PECAM1: variants seen among roughly 807,000 people sequenced by gnomAD.
PECAM1 encodes the protein platelet and endothelial cell adhesion molecule 1, also known as platelet endothelial cell adhesion molecule.
PECAM1 carries 8 observed loss-of-function variants against 13.8 expected under a neutral mutation model. The ratio of observed to expected loss-of-function variants is 0.58; its 90% CI spans 0.34 to 1.05. The LOEUF (loss-of-function observed/expected upper bound fraction) is 1.05. PECAM1 is among the 50% of genes least tolerant of loss of function. PECAM1 has a pLI of 0.03. For missense variants in PECAM1, 304 were observed against 141.2 expected, an observed-to-expected ratio of 2.15 and a Z score of -5.84; for synonymous variants, 136 against 52.6, an observed-to-expected ratio of 2.58 and a Z score of -6.86.
rs1598264839 is a variant in PECAM1 at position 64,321,604 on chromosome 17, A to T, written c.*2212T>A. ...GAAACCTCATCTCTGCAAAAAAAAAATTAAAAATTAGCCAGCTATGGCGGC... is the reference window on the plus strand; with the variant it reads ...GAAACCTCATCTCTGCAAAAAAAAATTTAAAAATTAGCCAGCTATGGCGGC... On this transcript the variant is annotated 3_prime_UTR_variant, in exon 16 of 16. Coordinates refer to ENST00000563924, the MANE Select transcript of PECAM1 (RefSeq NM_000442.5). The T allele has an allele frequency of 6.9e-6, 3 of 436,362 alleles. No individual in the cohort carries two copies. The highest frequency in any genetic ancestry group is 5.0e-5 in the Admixed American group (1 of 19,836). 27.0% of individuals were successfully genotyped at this position (436,362 alleles called of 1,614,324 possible).
At chr17:64,381,722 C>T (rs1272200132) in intron 2 of PECAM1, among the ~76,000 whole-genome samples, 1 of 152,204 alleles carries the variant, frequency 6.6e-6, no homozygotes, top group Non-Finnish European at 1.5e-5. Context: ...CAGCATTACT[C>T]TTTGGAACTC....
At chr17:64,359,143 A>G (rs1444040997) in intron 7 of PECAM1, among the ~76,000 whole-genome samples, 1 of 152,194 alleles carries the variant, frequency 6.6e-6, no homozygotes, top group Non-Finnish European at 1.5e-5. Context: ...TAGACTATAC[A>G]TGAATAGAAG....
At chr17:64,347,738 A>G (rs2035613682) in intron 13 of PECAM1, among the ~76,000 whole-genome samples, 1 of 144,296 alleles carries the variant, frequency 6.9e-6, no homozygotes, top group Non-Finnish European at 1.5e-5. Context: ...ATATATATAT[A>G]TATATTTTTT....
chr17:64,353,304 GGTACACACAC>G (rs1397354466), intron 10 of PECAM1, among the ~76,000 whole-genome samples, 177 bp downstream of exon 10: 1,590 of 143,808 alleles, frequency 0.011, 21 homozygotes, highest in African/African-American at 0.037. Flanking sequence ...CTTCCACGGA[GGTACACACAC>G]ACACACACAC....
At chr17:64,342,504 G>C (rs2035459508) in intron 13 of PECAM1, among the ~76,000 whole-genome samples, 1 of 152,170 alleles carries the variant, frequency 6.6e-6, no homozygotes, top group African/African-American at 2.4e-5. Context: ...GGAATAGCTG[G>C]GACTGAGAAC....
At chr17:64,339,499 A>G (rs2035371249) in intron 14 of PECAM1, among the ~76,000 whole-genome samples, 1 of 152,142 alleles carries the variant, frequency 6.6e-6, no homozygotes, top group Non-Finnish European at 1.5e-5. Flanking sequence ...AAGAAAGCGA[A>G]CACTCTCAGG....
chr17:64,360,720 CAT>C (rs2035953702), intron 6 of PECAM1, among the ~76,000 whole-genome samples: 1 of 151,160 alleles, frequency 6.6e-6, no homozygotes, highest in Admixed American at 6.6e-5. Flanking sequence ...CATATTTTAC[CAT>C]ATCTCACACG....
At position 64,322,158 on chromosome 17, in the gene PECAM1, G is replaced by C; in HGVS notation, c.*1658C>G. ...GTGGAGCACACATGAGGACAAGGCG[G>C]GCAGATCACCAAAGGTCAGGCATTC... On this transcript the variant is annotated 3_prime_UTR_variant, in exon 16 of 16. Coordinates refer to ENST00000563924, the MANE Select transcript of PECAM1 (RefSeq NM_000442.5). 5 of 850,678 alleles carry C rather than the reference G, an allele frequency of 5.9e-6. No homozygotes were observed. The highest frequency in any genetic ancestry group is 5.7e-6 in the Non-Finnish European group (4 of 697,960). The allele number at this position is 850,678 out of a possible 1,614,324, so 52.7% of individuals were successfully genotyped here. A position where few individuals can be genotyped will look rare whatever the true frequency, so the allele number is the denominator to read the frequency against.
intron 13 of PECAM1, among the ~76,000 whole-genome samples, chr17:64,344,429 G>A (rs1243445817): frequency 6.6e-6 from 1 of 152,124 alleles, no homozygotes; most frequent in East Asian, 1.9e-4. Flanking sequence ...AACAGAGAAG[G>A]AGATGGCTTC....
intron 6 of PECAM1, among the ~76,000 whole-genome samples, chr17:64,361,243 C>G (rs1030459612): frequency 1.5e-4 from 22 of 148,864 alleles, no homozygotes; most frequent in Non-Finnish European, 3.3e-4. Flanking sequence ...CCTCCTGGGT[C>G]CAAGGGATTC....
At chr17:64,359,063 G>A (rs985255765) in intron 7 of PECAM1, among the ~76,000 whole-genome samples, 4 of 152,188 alleles carry the variant, frequency 2.6e-5, no homozygotes, top group African/African-American at 7.2e-5. Context: ...TTCCCAAAGC[G>A]CTAGGATTAC....
chr17:64,365,419 T>C (rs1228283873), intron 5 of PECAM1, among the ~76,000 whole-genome samples: 9 of 150,304 alleles, frequency 6.0e-5, no homozygotes, highest in Non-Finnish European at 9.0e-5. Flanking sequence ...ATAGATTCAA[T>C]GCCATCCCCA....
intron 4 of PECAM1, among the ~76,000 whole-genome samples, chr17:64,371,844 A>C (rs1436361614): frequency 6.6e-6 from 1 of 152,162 alleles, no homozygotes; most frequent in African/African-American, 2.4e-5. Context: ...ATAAATAAAT[A>C]AATAAAATAA....
At chr17:64,380,252 C>G (rs898619505) in intron 2 of PECAM1, among the ~76,000 whole-genome samples, 1 of 151,546 alleles carries the variant, frequency 6.6e-6, no homozygotes, top group African/African-American at 2.4e-5. Flanking sequence ...CGCTTGAGCC[C>G]GGGATGCAGA....
At chr17:64,340,275 T>A (rs1225886686) in intron 14 of PECAM1, among the ~76,000 whole-genome samples, 1 of 152,182 alleles carries the variant, frequency 6.6e-6, no homozygotes, top group Non-Finnish European at 1.5e-5. Flanking sequence ...GGGCCCGAGA[T>A]TGCTGCTGCT....
At chr17:64,387,579 G>A (rs2036624947) in intron 2 of PECAM1, among the ~76,000 whole-genome samples, 5 of 152,182 alleles carry the variant, frequency 3.3e-5, no homozygotes, top group African/African-American at 1.2e-4. Context: ...GGTCCTGGGG[G>A]TGAGGAAGGG....
intron 4 of PECAM1, 103 bp from the exon 5 acceptor site, chr17:64,370,128 T>G (rs926455751): frequency 2.3e-5 from 9 of 397,716 alleles, no homozygotes; most frequent in African/African-American, 1.9e-4. Flanking sequence ...CTTCTATTGT[T>G]CCTAACTAAC....
At chr17:64,377,252 G>A (rs1196115485) in intron 3 of PECAM1, among the ~76,000 whole-genome samples, 3 of 152,152 alleles carry the variant, frequency 2.0e-5, no homozygotes, top group African/African-American at 4.8e-5. Context: ...GAGAGCATCA[G>A]AGCTGTACTG....
intron 2 of PECAM1, among the ~76,000 whole-genome samples, chr17:64,382,463 A>G (rs1238448759): frequency 1.3e-5 from 2 of 152,252 alleles, no homozygotes; most frequent in Non-Finnish European, 2.9e-5. Context: ...CTTAAAGTAG[A>G]GTTCCTGGCA....
Sources: allele counts gnomAD v4.1 joint callset (sites outside exome capture counted in the v4.1 genomes callset), GRCh38; gene constraint gnomAD v4.1.1; transcripts MANE v1.5; gene names NCBI Gene and HGNC (gene_info 2026-07-23, HGNC 2026-07-21).